The following AMPD3 variants were observed in gnomAD, a reference collection of about 807,000 sequenced individuals.
The protein encoded by AMPD3 is adenosine monophosphate deaminase 3.
AMPD3 carries 57 observed loss-of-function variants against 82.3 expected under a neutral mutation model. The ratio of observed to expected loss-of-function variants is 0.69; its 90% CI spans 0.56 to 0.86. The LOEUF (loss-of-function observed/expected upper bound fraction) is 0.86, where lower values mean the gene tolerates loss of function less well. Ranked by LOEUF, AMPD3 falls within the 40% of genes least tolerant of loss-of-function variation. The pLI, the probability that AMPD3 is intolerant of heterozygous loss-of-function variation, is 0.00. For synonymous variants in AMPD3, 381 were observed against 394.7 expected, an observed-to-expected ratio of 0.97 and a Z score of 0.41; for missense variants, 870 against 1,003.8, an observed-to-expected ratio of 0.87 and a Z score of 1.80.
chr11:10,497,032 G>C (rs910400453), intron 10 of AMPD3, 94 bp downstream of exon 10: 119 of 1,502,788 alleles, frequency 7.9e-5, no homozygotes, highest in Non-Finnish European at 1.0e-4. Context: ...TGCCCTTCAC[G>C]ATGGTATCTT....
At position 10,455,829 on chromosome 11, in the gene AMPD3, G is replaced by T. The variant is rs955348218; in HGVS notation, c.-6+381G>T. ...TGCCCTTGGGAGGGCTGCTTTAGGG[G>T]GGCTTTCTGAGAAGAGGCAGGTCGG... is the stretch of plus-strand genomic sequence containing the variant. On this transcript the variant is annotated intron_variant, in intron 1 of 14. Coordinates refer to ENST00000396553, the MANE Select transcript of AMPD3 (RefSeq NM_001025389.2). 49 of 887,988 alleles carry T rather than the reference G, an allele frequency of 5.5e-5. No individual in the cohort carries two copies. The Admixed American group carries it at 5.6e-4, about 10-fold the overall frequency. The allele number at this position is 887,988 out of a possible 1,614,324, so 55.0% of individuals were successfully genotyped here.
intron 2 of AMPD3, among the ~76,000 whole-genome samples, chr11:10,462,293 C>G (rs1262479553): frequency 1.3e-5 from 2 of 152,170 alleles, no homozygotes; most frequent in African/African-American, 4.8e-5. Context: ...GAATTGGTTA[C>G]ACAGGTGGTA....
chr11:10,484,648 T>C (rs1849010469), intron 4 of AMPD3, 172 bp from the exon 5 acceptor site: 1 of 644,382 alleles, frequency 1.6e-6, no homozygotes, highest in South Asian at 6.9e-5. Context: ...TGGTTTGACA[T>C]GGTGGTAAGT....
At chr11:10,464,725 A>G (rs750525175) in intron 2 of AMPD3, among the ~76,000 whole-genome samples, 26 of 152,176 alleles carry the variant, frequency 1.7e-4, no homozygotes, top group Admixed American at 7.2e-4. Flanking sequence ...GTGCCTTTAT[A>G]TGTAAATGTT....
intron 2 of AMPD3, chr11:10,473,670 T>G (rs1564843726): frequency 1.1e-6 from 1 of 887,866 alleles, no homozygotes; most frequent in Non-Finnish European, 1.3e-6. Flanking sequence ...GGGACCCCTG[T>G]TATAGTGCCC....
intron 4 of AMPD3, among the ~76,000 whole-genome samples, chr11:10,482,887 A>T (rs1361243195): frequency 6.6e-6 from 1 of 152,132 alleles, no homozygotes; most frequent in African/African-American, 2.4e-5. Flanking sequence ...GGTAGGGTGG[A>T]TCGGGGTGGG....
At chr11:10,494,302 G>A (rs1484691471) in intron 7 of AMPD3, among the ~76,000 whole-genome samples, 1 of 152,316 alleles carries the variant, frequency 6.6e-6, no homozygotes, top group South Asian at 2.1e-4. Context: ...ACAGAAAGGA[G>A]AGTAGAAGCT....
chr11:10,495,261 G>A (rs1278304236), intron 8 of AMPD3: 4 of 985,336 alleles, frequency 4.1e-6, no homozygotes, highest in Non-Finnish European at 4.8e-6. Context: ...CCTTGGCCAA[G>A]CTCACAGCAC....
chr11:10,476,117 A>G (rs1848728964), intron 2 of AMPD3, among the ~76,000 whole-genome samples: 1 of 152,228 alleles, frequency 6.6e-6, no homozygotes, highest in South Asian at 2.1e-4. Flanking sequence ...ATCCAGGGTC[A>G]TCCTTGGGCT....
At chr11:10,480,074 C>T (rs1848857450) in intron 3 of AMPD3, among the ~76,000 whole-genome samples, 1 of 152,250 alleles carries the variant, frequency 6.6e-6, no homozygotes, top group Admixed American at 6.5e-5. Flanking sequence ...CTCCCAGTCT[C>T]CTGGCTGGCA....
At chr11:10,463,806 A>G (rs1848338768) in intron 2 of AMPD3, among the ~76,000 whole-genome samples, 1 of 152,172 alleles carries the variant, frequency 6.6e-6, no homozygotes, top group Admixed American at 6.5e-5. Context: ...GTCCTTGCCT[A>G]GGTTATGGTG....
At chr11:10,457,416 T>A (rs768712296) in intron 1 of AMPD3, among the ~76,000 whole-genome samples, 5 of 152,030 alleles carry the variant, frequency 3.3e-5, no homozygotes, top group African/African-American at 9.7e-5. Flanking sequence ...CTTATGAATG[T>A]GAGTTGAGGG....
intron 1 of AMPD3, among the ~76,000 whole-genome samples, chr11:10,459,175 C>T (rs1848187100): frequency 6.6e-6 from 1 of 152,166 alleles, no homozygotes; most frequent in Non-Finnish European, 1.5e-5. Flanking sequence ...TGTGTGTTGA[C>T]AGGCTGTTCC....
Position 10,505,895 on chromosome 11 carries a change from T to G in AMPD3, c.*11T>G. ...GCCTTGACCAACTAGGTCCAGCATTTGACATGCATTTTAACTTTTTGGTTC... is the reference window on the plus strand; with the variant it reads ...GCCTTGACCAACTAGGTCCAGCATTGGACATGCATTTTAACTTTTTGGTTC... On this transcript the variant is annotated 3_prime_UTR_variant, in exon 15 of 15. Transcript: ENST00000396553. The G allele has an allele frequency of 6.2e-7, 1 of 1,614,048 alleles. No homozygotes were observed. Among genetic ancestry groups the G allele is most frequent in the Admixed American group, 1.7e-5 (1 of 60,034 alleles).
chr11:10,500,792 A>G (rs1027320859), intron 11 of AMPD3: 2 of 985,450 alleles, frequency 2.0e-6, no homozygotes, highest in African/African-American at 1.7e-5. Context: ...GCTCCTACCA[A>G]TACGCACACA....
At chr11:10,488,970 G>T (rs1849161200) in intron 6 of AMPD3, among the ~76,000 whole-genome samples, 2 of 152,198 alleles carry the variant, frequency 1.3e-5, no homozygotes, top group African/African-American at 4.8e-5. Flanking sequence ...CACGCCAGGG[G>T]TCCAACACAG....
At chr11:10,484,572 G>A (rs1389549848) in intron 4 of AMPD3, 3 of 899,362 alleles carry the variant, frequency 3.3e-6, no homozygotes, top group South Asian at 1.0e-4. Context: ...ACAAATTAAA[G>A]TCTCTGCCTG....
chr11:10,451,113 C>A, upstream of AMPD3: 1 of 1,538,646 alleles, frequency 6.5e-7, no homozygotes, highest in African/African-American at 1.4e-5. Flanking sequence ...AGGCGGGAAT[C>A]AGCAGCGCCC....
At chr11:10,487,559 C>T (rs1849111281) in intron 6 of AMPD3, among the ~76,000 whole-genome samples, 195 bp downstream of exon 6, 1 of 152,216 alleles carries the variant, frequency 6.6e-6, no homozygotes, top group South Asian at 2.1e-4. Flanking sequence ...TCAGGCTGGG[C>T]CTCAGACAGC....
Sources: gnomAD v4.1 joint callset for allele counts (sites outside exome capture counted in the v4.1 genomes callset) on GRCh38, gnomAD v4.1.1 for gene constraint, MANE v1.5 for transcripts, NCBI Gene and HGNC (gene_info 2026-07-23, HGNC 2026-07-21) for gene names.